The following ZNF425 variants were observed in gnomAD, a reference collection of about 807,000 sequenced individuals.
ZNF425 encodes zinc finger protein 425.
A neutral mutation model predicts 17.0 loss-of-function variants in ZNF425; 21 were observed. That is an observed-to-expected ratio of 1.23 (90% confidence interval 0.88 to 1.78). The LOEUF (loss-of-function observed/expected upper bound fraction) is 1.78. Ranked by LOEUF, ZNF425 falls within the 40% of genes most tolerant of loss-of-function variation. The pLI is 0.00. For missense variants in ZNF425, 868 were observed against 967.3 expected (o/e 0.90, Z 1.36); for synonymous variants, 433 against 384.1 (o/e 1.13, Z -1.49).
chr7:149,118,521 T>C, intron 1 of ZNF425, 173 bp from the exon 2 acceptor site: 2 of 752,194 alleles, frequency 2.7e-6, no homozygotes, highest in Middle Eastern at 4.0e-4. Flanking sequence ...CCAAGTAAAA[T>C]GAATGAATGG....
Position 149,118,429 on chromosome 7 carries a change from C to T in ZNF425, c.19-81G>A, listed in dbSNP as rs148739039. 230 of 1,499,184 alleles carry T rather than the reference C, an allele frequency of 1.5e-4. No individual in the cohort carries two copies. The East Asian group carries it at 3.4e-3, about 22-fold the overall frequency. 92.9% of individuals were successfully genotyped at this position (1,499,184 alleles called of 1,614,324 possible). On this transcript the variant is annotated intron_variant, in intron 1 of 3. Transcript: ENST00000378061. ...CAATGTCCATTACTTTATTGAGATA[C>T]AGAAAGAAAACATGTTAATTATTTC... is the stretch of plus-strand genomic sequence containing the variant.
Position 149,104,788 on chromosome 7 carries a change from G to A in ZNF425, c.1083C>T (p.Pro361=), listed in dbSNP as rs1585480774. Residue 361 remains proline (P), a synonymous_variant, in exon 4 of 4, where the codon CCC becomes CCT. Transcript: ENST00000378061. This position sits in a 1 kb window ranked among gnomAD's most constrained non-coding sequence, Gnocchi z 4.3. ...TCCGGGAGAAGCTCCGGCCACACTC[G>A]GGACAGTGGAAGGGCCTCTTCCCGC... ...QHSGKRPFHC[P]ECGRSFSRKA... is the part of the protein sequence containing the mutation. 3.7e-6 allele frequency: 6 copies of A among 1,613,512 alleles called. No individual in the cohort carries two copies. The highest frequency in any genetic ancestry group is 4.2e-6 in the Non-Finnish European group (5 of 1,179,958).
Position 149,105,443 on chromosome 7 carries a change from A to G in ZNF425, c.428T>C (p.Phe143Ser), listed in dbSNP as rs1826065124. Residue 143 changes from phenylalanine to serine, a missense_variant, in exon 4 of 4, where the codon TTC becomes TCC. By Grantham distance (155) the Phe-to-Ser change is radical. Coordinates refer to ENST00000378061, the MANE Select transcript of ZNF425 (RefSeq NM_001001661.3). ...TGTTTCTCGGAGACTTGGAGACTGG[A>G]AGGTGGCTGTTTGAGCTAATAAAAT... ...RKILLAQTAT[F>S]QSPSLRETEI... is the part of the protein sequence containing the mutation. The G allele has an allele frequency of 4.5e-6, 7 of 1,545,434 alleles. No individual in the cohort carries two copies. Among genetic ancestry groups the G allele is most frequent in the South Asian group, 1.3e-5 (1 of 77,966 alleles).
intron 3 of ZNF425, among the ~76,000 whole-genome samples, chr7:149,108,019 C>T (rs1826109990): frequency 6.6e-6 from 1 of 151,942 alleles, no homozygotes; most frequent in South Asian, 2.1e-4. Context: ...TACAGGCACA[C>T]ACCATCATGC....
chr7:149,108,815 C>G (rs1031966961), intron 3 of ZNF425, among the ~76,000 whole-genome samples: 3 of 152,068 alleles, frequency 2.0e-5, no homozygotes, highest in Non-Finnish European at 4.4e-5. Context: ...TCGTTTGAAT[C>G]CGGGAGGTGG....
chr7:149,110,734 A>ACAT (rs1032129444), intron 3 of ZNF425, among the ~76,000 whole-genome samples: 7 of 151,940 alleles, frequency 4.6e-5, no homozygotes, highest in Admixed American at 1.3e-4. Flanking sequence ...ATTCAAATGG[A>ACAT]CATGACAGTG....
chr7:149,123,841 CTTTTTT>C (rs11301508), intron 1 of ZNF425, among the ~76,000 whole-genome samples: 1 of 128,176 alleles, frequency 7.8e-6, no homozygotes, highest in Admixed American at 8.0e-5. Context: ...CTTGCTTTTT[CTTTTTT>C]TTTTTTTTTT....
At chr7:149,122,865 T>C (rs1826383141) in intron 1 of ZNF425, among the ~76,000 whole-genome samples, 1 of 152,108 alleles carries the variant, frequency 6.6e-6, no homozygotes, top group Admixed American at 6.6e-5. Flanking sequence ...CCAGCTAATT[T>C]TGTATTTTTA....
intron 3 of ZNF425, among the ~76,000 whole-genome samples, chr7:149,107,418 A>G (rs966503707): frequency 1.3e-5 from 2 of 151,182 alleles, no homozygotes; most frequent in African/African-American, 4.9e-5. Flanking sequence ...GCTCACTGCA[A>G]GCTCCACCTC....
rs751915119 is a variant in ZNF425 at position 149,112,159 on chromosome 7, A to G, written c.282T>C (p.Asn94=). 4.3e-6 allele frequency: 7 copies of G among 1,613,956 alleles called. No homozygotes were observed. In the South Asian group the frequency reaches 7.7e-5, roughly 18 times the overall value. Residue 94 remains asparagine (N), a synonymous_variant, in exon 3 of 4, where the codon AAT becomes AAC. Coordinates refer to ENST00000378061, the MANE Select transcript of ZNF425 (RefSeq NM_001001661.3). The part of the protein sequence containing the change: ...PPTDEQLNMK[N]TGKLLCFDDE... ...CACCAAAACATAGCAACTTTCCAGTATTCTTCATGTTCAACTGTTCATCAG... is the reference window on the plus strand; with the variant it reads ...CACCAAAACATAGCAACTTTCCAGTGTTCTTCATGTTCAACTGTTCATCAG...
At chr7:149,121,878 T>A (rs113844701) in intron 1 of ZNF425, among the ~76,000 whole-genome samples, 5 of 152,022 alleles carry the variant, frequency 3.3e-5, no homozygotes, top group African/African-American at 1.2e-4. Context: ...CATGAAAATA[T>A]TCTCTTTGGC....
intron 3 of ZNF425, among the ~76,000 whole-genome samples, chr7:149,108,543 G>A (rs1014663877): frequency 2.0e-5 from 3 of 152,134 alleles, no homozygotes; most frequent in African/African-American, 7.2e-5. Context: ...TTGTACTAAG[G>A]GAACAACATT....
At position 149,104,907 on chromosome 7, in the gene ZNF425, G is replaced by A. The variant is rs1297033476; in HGVS notation, c.964C>T (p.Arg322Trp). 15 of 1,613,338 alleles carry A rather than the reference G, an allele frequency of 9.3e-6. No homozygotes were observed. The highest frequency in any genetic ancestry group is 1.3e-5 in the Non-Finnish European group (15 of 1,179,900). Residue 322 changes from arginine to tryptophan, a missense_variant, in exon 4 of 4, where the codon CGG becomes TGG. Physicochemically the swap from Arg to Trp is moderately radical, Grantham distance 101. Around this residue, in one of 5 missense-constraint regions of ZNF425, gnomAD observed 243 missense variants for 265.2 expected, o/e 0.92. Coordinates refer to ENST00000378061, the MANE Select transcript of ZNF425 (RefSeq NM_001001661.3). This position sits in a 1 kb window ranked among gnomAD's most constrained non-coding sequence, Gnocchi z 4.3. ...AAGGGCTTCTCTCCGCTGTGCAGCC[G>A]CAAGTGCTCCGTGAGCTCGCACTGC... ...VQQCELTEHL[R>W]LHSGEKPFQC...
At position 149,112,313 on chromosome 7, in the gene ZNF425, A is replaced by G; in HGVS notation, c.146-18T>C. On this transcript the variant is annotated intron_variant, in intron 2 of 3. Coordinates refer to ENST00000378061, the MANE Select transcript of ZNF425 (RefSeq NM_001001661.3). ...AGCATACCCTGCAAATAGAGTCCAC[A>G]CAGACTTTGAGTTTACTGCATACTT... 1 of 1,610,004 alleles carries G rather than the reference A, an allele frequency of 6.2e-7. No homozygotes were observed. The highest frequency in any genetic ancestry group is 8.5e-7 in the Non-Finnish European group (1 of 1,178,008).
In ZNF425 at chr7:149,103,984, CA is replaced by C. The variant is rs1157500308; in HGVS notation, c.1886del (p.Leu629ArgfsTer13). ...ATGGCTTTTGGCCACTGTGCTGCAG[CA>C]GGTGGCTTTTCAGGTTTCCCTTGAG... ...FRLKGNLKSHLLQHSGQKPFS... is the reference protein window; with the variant it reads ...FRLKGNLKSHXLQHSGQKPFS... On this transcript the variant is annotated frameshift_variant, in exon 4 of 4. Transcript: ENST00000378061. LOFTEE classifies it low-confidence loss of function (END_TRUNC). The C allele has an allele frequency of 6.2e-7, 1 of 1,613,884 alleles. No individual in the cohort carries two copies. The highest frequency in any genetic ancestry group is 1.3e-5 in the African/African-American group (1 of 74,934).
At chr7:149,126,142 G>A (rs773890384) in intron 1 of ZNF425, 54 bp downstream of exon 1, 1 of 1,612,170 alleles carries the variant, frequency 6.2e-7, no homozygotes, top group South Asian at 1.1e-5. Flanking sequence ...CAATCCAGCT[G>A]CGACAGGGAC....
At chr7:149,107,806 T>C (rs992818154) in intron 3 of ZNF425, among the ~76,000 whole-genome samples, 2 of 151,750 alleles carry the variant, frequency 1.3e-5, no homozygotes, top group African/African-American at 4.8e-5. Context: ...CTCCAAAGTC[T>C]TGTCGAACTG....
chr7:149,117,508 A>G (rs1826284893), intron 2 of ZNF425, among the ~76,000 whole-genome samples: 1 of 151,920 alleles, frequency 6.6e-6, no homozygotes, highest in African/African-American at 2.4e-5. Flanking sequence ...CCTTCATGAA[A>G]CCAATAGTTC....
At position 149,105,396 on chromosome 7, in the gene ZNF425, T is replaced by C; in HGVS notation, c.475A>G (p.Ser159Gly). The change falls in exon 4 of 4, where the codon AGC becomes GGC. Residue 159 changes from serine to glycine, a missense_variant. This residue lies in a region of ZNF425 where 179 missense variants were observed against 216.3 expected (regional missense o/e 0.83). Transcript: ENST00000378061. The part of the protein sequence containing the change: ...RETEILNKKV[S>G]ITAYDPDKKD... ...TTGTCTGGATCATATGCTGTGATGC[T>C]GACTTTTTTATTTAGAATCTCTGTT... The C allele has an allele frequency of 2.5e-6, 4 of 1,584,352 alleles. No homozygotes were observed. Among genetic ancestry groups the C allele is most frequent in the Non-Finnish European group, 2.6e-6 (3 of 1,168,910 alleles).
Sources: allele counts gnomAD v4.1 joint callset (sites outside exome capture counted in the v4.1 genomes callset), GRCh38; gene constraint gnomAD v4.1.1; regional missense constraint gnomAD v4.1.1; non-coding constraint Gnocchi (gnomAD v3.1); transcripts MANE v1.5; gene names NCBI Gene and HGNC (gene_info 2026-07-23, HGNC 2026-07-21).